ASH1L: variants seen among roughly 807,000 people sequenced by gnomAD.
ASH1L encodes ASH1 like histone lysine methyltransferase, also known as histone-lysine N-methyltransferase ASH1L.
Under a neutral mutation model 269.0 loss-of-function variants are expected in ASH1L, and 23 were observed. The observed-to-expected ratio is 0.09, with a 90% CI of 0.06 to 0.12. The LOEUF (loss-of-function observed/expected upper bound fraction) is 0.12, where lower values mean the gene tolerates loss of function less well. Ranked by LOEUF, ASH1L falls within the 10% of genes least tolerant of loss-of-function variation. The pLI is 1.00. For missense variants in ASH1L, 2,912 were observed against 3,567.8 expected, an observed-to-expected ratio of 0.82 and a Z score of 4.68; for synonymous variants, 1,187 against 1,253.5, an observed-to-expected ratio of 0.95 and a Z score of 1.12.
chr1:155,365,595 C>A (rs575849043), intron 12 of ASH1L, among the ~76,000 whole-genome samples: 1 of 152,128 alleles, frequency 6.6e-6, no homozygotes, highest in African/African-American at 2.4e-5. Context: ...CCCTCTACCT[C>A]ATTTCTCCAA....
chr1:155,370,456 A>G, intron 12 of ASH1L, 48 bp downstream of exon 12: 1 of 1,609,920 alleles, frequency 6.2e-7, no homozygotes, highest in Non-Finnish European at 8.5e-7. Flanking sequence ...GCTGCACTCA[A>G]TGCTTATTCT....
At chr1:155,408,125 A>T (rs1429418618) in intron 6 of ASH1L, among the ~76,000 whole-genome samples, 1 of 152,214 alleles carries the variant, frequency 6.6e-6, no homozygotes, top group African/African-American at 2.4e-5. Context: ...AACTGCAAAG[A>T]AATGAGTTTT....
chr1:155,345,372 A>G (rs1653183220), intron 21 of ASH1L, among the ~76,000 whole-genome samples: 3 of 149,076 alleles, frequency 2.0e-5, no homozygotes, highest in Non-Finnish European at 4.5e-5. Context: ...TTTAGTAGAG[A>G]TGGGGTTTCA....
intron 5 of ASH1L, chr1:155,433,556 A>G: frequency 1.2e-6 from 2 of 1,610,282 alleles, no homozygotes; most frequent in African/African-American, 1.3e-5. Flanking sequence ...GAAACTGGAG[A>G]AGGAGAAGCT....
chr1:155,368,368 T>C (rs1655626938), intron 12 of ASH1L, among the ~76,000 whole-genome samples: 2 of 152,254 alleles, frequency 1.3e-5, no homozygotes, highest in Admixed American at 6.6e-5. Context: ...TTGTTAGATA[T>C]TTTAGTTACA....
chr1:155,345,571 C>CTTTTT (rs1179125179), intron 21 of ASH1L, among the ~76,000 whole-genome samples: 5 of 104,930 alleles, frequency 4.8e-5, no homozygotes, highest in Admixed American at 1.1e-4. Context: ...CCATGCCCAG[C>CTTTTT]TTTTTTTTTT....
chr1:155,437,997 C>T lies in ASH1L; in HGVS notation c.5828+330G>A, dbSNP rs528873045. Among the ~76,000 whole-genome samples, 221 of 152,122 alleles carry T rather than the reference C, an allele frequency of 1.5e-3. 1 individual carries two copies. Among genetic ancestry groups the T allele is most frequent in the African/African-American group, 5.2e-3 (214 of 41,486 alleles). On this transcript the variant is annotated intron_variant, in intron 5 of 27. Coordinates refer to ENST00000392403, the MANE Select transcript of ASH1L (RefSeq NM_018489.3). ...CTGAGTAGCTGGGATTACAGGAATG[C>T]GCTGCCACATCTAGCTAATTTTTAT...
chr1:155,433,245 CA>C (rs750378355), intron 5 of ASH1L: 82 of 1,551,926 alleles, frequency 5.3e-5, no homozygotes, highest in Non-Finnish European at 7.1e-5. Flanking sequence ...GGTGATGGGC[CA>C]GGGGGGCCGG....
chr1:155,539,988 G>C (rs781563630), intron 1 of ASH1L, among the ~76,000 whole-genome samples: 8 of 151,978 alleles, frequency 5.3e-5, no homozygotes, highest in Non-Finnish European at 8.8e-5. Flanking sequence ...AGGATTCCTT[G>C]AGCCCAGGAG....
At chr1:155,348,940 A>ACACACACACACACG (rs1233244057) in intron 19 of ASH1L, among the ~76,000 whole-genome samples, 148 of 150,944 alleles carry the variant, frequency 9.8e-4, no homozygotes, top group African/African-American at 3.5e-3. Context: ...ACACACACAC[A>ACACACACACACACG]CACACATATA....
At chr1:155,534,717 A>G (rs2148875803) in intron 1 of ASH1L, among the ~76,000 whole-genome samples, 1 of 152,320 alleles carries the variant, frequency 6.6e-6, no homozygotes, top group East Asian at 1.9e-4. Flanking sequence ...ATATATGTAT[A>G]TGCTATATAC....
chr1:155,354,326 C>A, intron 16 of ASH1L, 147 bp downstream of exon 16: 1 of 621,774 alleles, frequency 1.6e-6, no homozygotes, highest in Non-Finnish European at 2.6e-6. Context: ...GCCTGTAATC[C>A]CAGCTACTCA....
At chr1:155,462,411 A>G (rs1232031226) in intron 3 of ASH1L, among the ~76,000 whole-genome samples, 7 of 152,196 alleles carry the variant, frequency 4.6e-5, no homozygotes, top group Admixed American at 1.3e-4. Flanking sequence ...TACCTTTGAT[A>G]ATCAGGATAT....
chr1:155,546,529 G>C (rs1362545751), intron 1 of ASH1L, among the ~76,000 whole-genome samples: 1 of 152,086 alleles, frequency 6.6e-6, no homozygotes, highest in East Asian at 1.9e-4. Flanking sequence ...GGGAGGCCGA[G>C]GCGGGCAGAT....
chr1:155,542,213 A>C (rs1670470735), intron 1 of ASH1L, among the ~76,000 whole-genome samples: 1 of 152,226 alleles, frequency 6.6e-6, no homozygotes, highest in Non-Finnish European at 1.5e-5. Flanking sequence ...GACAACAGGA[A>C]GAAAGTTCAA....
chr1:155,458,149 T>C (rs1367055077), intron 4 of ASH1L, among the ~76,000 whole-genome samples: 1 of 152,170 alleles, frequency 6.6e-6, no homozygotes, highest in Non-Finnish European at 1.5e-5. Flanking sequence ...AGTCTCTCCA[T>C]GGTAGTATAA....
chr1:155,465,270 G>C (rs1168609207), intron 3 of ASH1L, among the ~76,000 whole-genome samples: 1 of 138,866 alleles, frequency 7.2e-6, no homozygotes, highest in Non-Finnish European at 1.5e-5. Flanking sequence ...GAATTTCCCT[G>C]GTGCCAAATA....
At position 155,543,509 on chromosome 1, in the gene ASH1L, C is replaced by CAAAA. The variant is rs34813767; in HGVS notation, c.-100+18640_-100+18643dup. On this transcript the variant is annotated intron_variant, in intron 1 of 27. Transcript: ENST00000392403. Reference sequence around the variant, plus strand: ...TGCATCACAGAGTGAGACTCTGTCTCAAAAAAAAAAAAAAAAAAAAAAGAT... The same window carrying CAAAA: ...TGCATCACAGAGTGAGACTCTGTCTCAAAAAAAAAAAAAAAAAAAAAAAAAAGAT... 1.5e-3 allele frequency among the ~76,000 whole-genome samples: 87 copies of CAAAA among 57,400 alleles called. 1 individual carries two copies. Among genetic ancestry groups the CAAAA allele is most frequent in the African/African-American group, 5.8e-3 (81 of 13,898 alleles). 37.7% of individuals were successfully genotyped at this position (57,400 alleles called of 152,430 possible).
chr1:155,449,834 T>C (rs902593157), intron 4 of ASH1L, among the ~76,000 whole-genome samples: 3 of 152,192 alleles, frequency 2.0e-5, no homozygotes, highest in Non-Finnish European at 4.4e-5. Context: ...AAATGTGTTT[T>C]ATATTTTCCC....
Sources: allele counts gnomAD v4.1 joint callset (sites outside exome capture counted in the v4.1 genomes callset), GRCh38; gene constraint gnomAD v4.1.1; transcripts MANE v1.5; gene names NCBI Gene and HGNC (gene_info 2026-07-23, HGNC 2026-07-21).